Variants in PLPPR1 observed in about 807,000 individuals in gnomAD.
The protein encoded by PLPPR1 is phospholipid phosphatase-related protein type 1.
Under a neutral mutation model 33.1 loss-of-function variants are expected in PLPPR1, and 10 were observed. The observed-to-expected ratio is 0.30, with a 90% CI of 0.19 to 0.51. The LOEUF is 0.51. Ranked by LOEUF, PLPPR1 falls within the 20% of genes least tolerant of loss-of-function variation. PLPPR1 has a pLI of 0.97. For synonymous variants in PLPPR1, 151 were observed against 151.0 expected, an observed-to-expected ratio of 1.00 and a Z score of 0.00; for missense variants, 304 against 408.1, an observed-to-expected ratio of 0.74 and a Z score of 2.20.
Position 101,309,481 on chromosome 9 carries a change from CTCT to C in PLPPR1, c.636+21_636+23del. The C allele has an allele frequency of 6.2e-7, 1 of 1,610,780 alleles. No individual in the cohort carries two copies. Among genetic ancestry groups the C allele is most frequent in the Non-Finnish European group, 8.5e-7 (1 of 1,177,810 alleles). ...GCCACGGTGAGTGTGCAAGTCTTGTCTCTCCTAAGTCCAGTTTTTGATAGGATG... is the reference window on the plus strand; with the variant it reads ...GCCACGGTGAGTGTGCAAGTCTTGTCCCTAAGTCCAGTTTTTGATAGGATG... On this transcript the variant is annotated intron_variant, in intron 5 of 7. Transcript: ENST00000374874.
chr9:101,264,795 TC>T lies in PLPPR1; in HGVS notation c.64-5083del, dbSNP rs148992129. On this transcript the variant is annotated intron_variant, in intron 2 of 7. Transcript: ENST00000374874. ...AGTCACCCCAGATTGCTCAGGGCCATCCTAGTTTTAGCCCTGAAAGTCCTGT... is the reference window on the plus strand; with the variant it reads ...AGTCACCCCAGATTGCTCAGGGCCATCTAGTTTTAGCCCTGAAAGTCCTGT... 7.0e-3 allele frequency among the ~76,000 whole-genome samples: 1,063 copies of T among 152,290 alleles called. 11 individuals are homozygous for T. The highest frequency in any genetic ancestry group is 0.024 in the African/African-American group (1,009 of 41,552).
intron 2 of PLPPR1, among the ~76,000 whole-genome samples, chr9:101,236,226 T>TAAACA (rs1827295695): frequency 6.6e-6 from 1 of 151,770 alleles, no homozygotes; most frequent in Non-Finnish European, 1.5e-5. Flanking sequence ...CATCTATCTT[T>TAAACA]AAACAATTCC....
At chr9:101,039,839 T>C (rs1410148255) in intron 1 of PLPPR1, among the ~76,000 whole-genome samples, 1 of 150,296 alleles carries the variant, frequency 6.7e-6, no homozygotes, top group African/African-American at 2.5e-5. Context: ...CCCACCGGGC[T>C]CCTCCCATGA....
intron 4 of PLPPR1, among the ~76,000 whole-genome samples, chr9:101,291,477 G>C (rs1218710262): frequency 6.6e-6 from 1 of 152,212 alleles, no homozygotes; most frequent in Non-Finnish European, 1.5e-5. Flanking sequence ...AGAATGGGCA[G>C]ACTGCCTCCT....
Position 101,324,032 on chromosome 9 carries a change from C to T in PLPPR1, c.953C>T (p.Ser318Phe), listed in dbSNP as rs771081264. ...CTTGTGTTTGCTCCACAGAATCACTCTGCGTCCATGACCGAAGTTACCTGA... is the reference window on the plus strand; with the variant it reads ...CTTGTGTTTGCTCCACAGAATCACTTTGCGTCCATGACCGAAGTTACCTGA... ...PLETLSAQNH[S>F]ASMTEVT The change falls in exon 8 of 8, where the codon TCT (serine) becomes TTT (phenylalanine). Residue 318 changes from serine to phenylalanine, a missense_variant. Transcript: ENST00000374874. The T allele has an allele frequency of 1.2e-6, 2 of 1,612,962 alleles. No individual in the cohort carries two copies. The highest frequency in any genetic ancestry group is 2.7e-5 in the African/African-American group (2 of 75,020).
At chr9:101,238,334 T>TATATACATA (rs1827373239) in intron 2 of PLPPR1, among the ~76,000 whole-genome samples, 2 of 113,696 alleles carry the variant, frequency 1.8e-5, no homozygotes, top group African/African-American at 3.8e-5. Context: ...TATATATACC[T>TATATACATA]CTCTATATAT....
At chr9:101,305,204 AGTGT>A (rs35405804) in intron 4 of PLPPR1, among the ~76,000 whole-genome samples, 1 of 150,044 alleles carries the variant, frequency 6.7e-6, no homozygotes, top group South Asian at 2.1e-4. Flanking sequence ...ATGAGGTAAA[AGTGT>A]GTGTGTGTGT....
chr9:101,317,122 G>T (rs977451299), intron 6 of PLPPR1, among the ~76,000 whole-genome samples: 9 of 152,136 alleles, frequency 5.9e-5, no homozygotes, highest in Admixed American at 4.6e-4. Flanking sequence ...TGTGAAGTGG[G>T]TATTACTATT....
chr9:101,270,019 T>TCAG lies in PLPPR1; in HGVS notation c.205_206insGCA (p.Ile68_Thr69insSer). ...CCAGGGACAGAGGAAGAAAGCTTCA[T>TCAG]CACCCCTCTGGTGCTCTATTGTGTG... On this transcript the variant is annotated inframe_insertion, in exon 3 of 8. Transcript: ENST00000374874. 6.2e-7 allele frequency: 1 copy of TCAG among 1,614,220 alleles called. No homozygotes were observed. The highest frequency in any genetic ancestry group is 8.5e-7 in the Non-Finnish European group (1 of 1,180,036).
chr9:101,270,131 T>C (rs974657608), intron 3 of PLPPR1, 63 bp downstream of exon 3: 78 of 1,534,682 alleles, frequency 5.1e-5, no homozygotes, highest in Non-Finnish European at 6.3e-5. Flanking sequence ...TCTGTCTGCT[T>C]TTTCTCCTCT....
At chr9:101,266,142 G>A (rs1827988067) in intron 2 of PLPPR1, among the ~76,000 whole-genome samples, 1 of 151,478 alleles carries the variant, frequency 6.6e-6, no homozygotes, top group South Asian at 2.1e-4. Flanking sequence ...AAATGACAGG[G>A]AAGGCCGGGC....
chr9:101,046,925 T>C (rs1160616189), intron 1 of PLPPR1, among the ~76,000 whole-genome samples: 1 of 152,124 alleles, frequency 6.6e-6, no homozygotes, highest in Non-Finnish European at 1.5e-5. Context: ...AAATGGAACT[T>C]ACTGAAACCC....
chr9:101,032,798 G>T (rs897442899), intron 1 of PLPPR1, among the ~76,000 whole-genome samples: 4 of 152,068 alleles, frequency 2.6e-5, no homozygotes, highest in African/African-American at 9.7e-5. Flanking sequence ...TTTCTCAGCT[G>T]CCCCTATGAA....
rs1415210084 is a variant in PLPPR1, at chr9:101,324,479, C to T, written c.*422C>T. 1 of 155,968 alleles carries T rather than the reference C, an allele frequency of 6.4e-6. No homozygotes were observed. Among genetic ancestry groups the T allele is most frequent in the African/African-American group, 2.4e-5 (1 of 41,562 alleles). The allele number at this position is 155,968 out of a possible 1,614,324, so 9.7% of individuals were successfully genotyped here. ...TTTTAATAAAAGGCAAACTTTTGAG[C>T]TGCAGGAAGGACAATGTTGGTTAAT... On this transcript the variant is annotated 3_prime_UTR_variant, in exon 8 of 8. Transcript: ENST00000374874.
intron 1 of PLPPR1, among the ~76,000 whole-genome samples, chr9:101,144,411 A>C (rs1427370621): frequency 6.6e-6 from 1 of 152,160 alleles, no homozygotes; most frequent in Non-Finnish European, 1.5e-5. Flanking sequence ...TTAAAGTATA[A>C]TAATAAAGAA....
chr9:101,310,191 G>T (rs1828930608), intron 5 of PLPPR1, among the ~76,000 whole-genome samples: 2 of 151,982 alleles, frequency 1.3e-5, no homozygotes, highest in Admixed American at 6.6e-5. Flanking sequence ...ATTCATTTTG[G>T]AAATAACTTC....
At chr9:101,216,355 C>A (rs1354801496) in intron 2 of PLPPR1, among the ~76,000 whole-genome samples, 1 of 151,890 alleles carries the variant, frequency 6.6e-6, no homozygotes, top group Non-Finnish European at 1.5e-5. Context: ...TGATCTTTTG[C>A]CCATTTTGAT....
chr9:101,323,192 G>C (rs914231052), intron 7 of PLPPR1, among the ~76,000 whole-genome samples: 29 of 152,086 alleles, frequency 1.9e-4, no homozygotes, highest in African/African-American at 6.0e-4. Flanking sequence ...GAATTATATA[G>C]AGAATAAGTT....
intron 1 of PLPPR1, among the ~76,000 whole-genome samples, chr9:101,117,781 A>T (rs1831133655): frequency 6.6e-6 from 1 of 152,216 alleles, no homozygotes; most frequent in African/African-American, 2.4e-5. Flanking sequence ...CTCTTTCAAA[A>T]GGCAATTGTG....
Sources: gnomAD v4.1 joint callset for allele counts (sites outside exome capture counted in the v4.1 genomes callset) on GRCh38, gnomAD v4.1.1 for gene constraint, MANE v1.5 for transcripts, NCBI Gene and HGNC (gene_info 2026-07-23, HGNC 2026-07-21) for gene names.